SLC12A8: variants seen among roughly 807,000 people sequenced by gnomAD.
The protein encoded by SLC12A8 is solute carrier family 12 member 8.
A neutral mutation model predicts 75.6 loss-of-function variants in SLC12A8; 69 were observed. The observed-to-expected ratio is 0.91, with a 90% CI of 0.75 to 1.11. The LOEUF (loss-of-function observed/expected upper bound fraction) is 1.11, where lower values mean the gene tolerates loss of function less well. SLC12A8 is among the 50% of genes most tolerant of loss of function. The pLI, the probability that SLC12A8 is intolerant of heterozygous loss-of-function variation, is 0.00. For synonymous variants in SLC12A8, 365 were observed against 372.8 expected, an observed-to-expected ratio of 0.98 and a Z score of 0.24; for missense variants, 877 against 896.7, an observed-to-expected ratio of 0.98 and a Z score of 0.28.
chr3:125,191,275 TA>T (rs1341015829), intron 2 of SLC12A8, among the ~76,000 whole-genome samples: 2 of 152,064 alleles, frequency 1.3e-5, no homozygotes, highest in Non-Finnish European at 2.9e-5. Context: ...AATTCACAAA[TA>T]ACAAAGGCAC....
intron 5 of SLC12A8, among the ~76,000 whole-genome samples, chr3:125,153,535 T>C (rs630439): frequency 0.15 from 22,488 of 152,282 alleles, 2,343 homozygotes; most frequent in South Asian, 0.4. Context: ...TGCTGGGAAG[T>C]ACAAGACAAA....
chr3:125,119,068 T>A (rs1932982256), intron 7 of SLC12A8: 1 of 452,570 alleles, frequency 2.2e-6, no homozygotes, highest in Non-Finnish European at 4.0e-6. Context: ...ACCATTGTTT[T>A]GTTTCTTTTT....
chr3:125,093,393 C>G (rs1024319471), intron 10 of SLC12A8, among the ~76,000 whole-genome samples: 3 of 152,152 alleles, frequency 2.0e-5, no homozygotes, highest in Non-Finnish European at 4.4e-5. Context: ...CCCAGCCCTT[C>G]CTTCTTCACT....
At chr3:125,131,684 G>A (rs756996316) in intron 6 of SLC12A8, among the ~76,000 whole-genome samples, 11 of 152,134 alleles carry the variant, frequency 7.2e-5, no homozygotes, top group East Asian at 1.9e-4. Flanking sequence ...CACCAGGCCG[G>A]GCCCAAGAAT....
At chr3:125,190,617 GCTTAAAAACAGTC>G in intron 2 of SLC12A8, 96 bp from the exon 3 acceptor site, 1 of 1,427,634 alleles carries the variant, frequency 7.0e-7, no homozygotes, top group South Asian at 1.3e-5. Flanking sequence ...GGAGAACTCA[GCTTAAAAACAGTC>G]CTGTCTTATT....
intron 6 of SLC12A8, 135 bp from the exon 7 acceptor site, chr3:125,120,821 C>A (rs1007963884): frequency 1.5e-5 from 11 of 728,630 alleles, no homozygotes; most frequent in Admixed American, 2.0e-5. Context: ...TGCAGCTCTG[C>A]GCATAGGCTG....
intron 6 of SLC12A8, among the ~76,000 whole-genome samples, chr3:125,126,909 A>G (rs1459330828): frequency 2.0e-5 from 3 of 152,180 alleles, no homozygotes; most frequent in Non-Finnish European, 4.4e-5. Context: ...TTTAACTGAA[A>G]AAAGGGATCT....
chr3:125,101,397 ATGAG>A (rs1433133426), intron 10 of SLC12A8, among the ~76,000 whole-genome samples: 1 of 152,256 alleles, frequency 6.6e-6, no homozygotes, highest in Non-Finnish European at 1.5e-5. Context: ...ATGGACATGA[ATGAG>A]TGAGCATTAA....
chr3:125,133,588 G>A (rs1468499534), intron 6 of SLC12A8, among the ~76,000 whole-genome samples: 1 of 152,078 alleles, frequency 6.6e-6, no homozygotes, highest in African/African-American at 2.4e-5. Context: ...ACCACGCCCA[G>A]CTAATTTTTG....
intron 6 of SLC12A8, among the ~76,000 whole-genome samples, chr3:125,124,314 G>T (rs78070159): frequency 0.018 from 2,681 of 152,178 alleles, 68 homozygotes; most frequent in African/African-American, 0.061. Context: ...ACATTTGTTT[G>T]TGTTTGTTTG....
intron 6 of SLC12A8, chr3:125,125,790 C>T: frequency 3.8e-6 from 1 of 264,040 alleles, no homozygotes; most frequent in East Asian, 1.8e-4. Flanking sequence ...CATCACATAG[C>T]CTCTCCATTT....
intron 3 of SLC12A8, among the ~76,000 whole-genome samples, chr3:125,188,318 C>T (rs910997272): frequency 6.6e-6 from 1 of 152,230 alleles, no homozygotes; most frequent in African/African-American, 2.4e-5. Context: ...TGCCATGCTT[C>T]TTGTACAGCC....
At chr3:125,194,352 C>G (rs1214092734) in intron 2 of SLC12A8, among the ~76,000 whole-genome samples, 2 of 152,176 alleles carry the variant, frequency 1.3e-5, no homozygotes, top group East Asian at 3.9e-4. Context: ...GCTGGAAAAA[C>G]CATGACTGCC....
At chr3:125,134,405 T>C (rs1185748555) in intron 6 of SLC12A8, among the ~76,000 whole-genome samples, 1 of 152,218 alleles carries the variant, frequency 6.6e-6, no homozygotes, top group Non-Finnish European at 1.5e-5. Context: ...CCACCACGCC[T>C]GACCAGTTAT....
At chr3:125,208,811 G>GAC (rs796139654) in intron 2 of SLC12A8, among the ~76,000 whole-genome samples, 1 of 141,460 alleles carries the variant, frequency 7.1e-6, no homozygotes, top group Non-Finnish European at 1.5e-5. Context: ...GAGAGAGAGA[G>GAC]AGAGAGAGAG....
chr3:125,183,424 T>C (rs1435593812), intron 4 of SLC12A8, among the ~76,000 whole-genome samples: 1 of 152,108 alleles, frequency 6.6e-6, no homozygotes, highest in Non-Finnish European at 1.5e-5. Context: ...CAGGGTGTAA[T>C]GCTTCCATTC....
At chr3:125,131,574 G>A (rs767856657) in intron 6 of SLC12A8, among the ~76,000 whole-genome samples, 1 of 152,130 alleles carries the variant, frequency 6.6e-6, no homozygotes, top group Non-Finnish European at 1.5e-5. Context: ...TTTTAGTAGA[G>A]ATGGGGTTTC....
At chr3:125,105,854 A>T (rs1392178450) in intron 10 of SLC12A8, among the ~76,000 whole-genome samples, 1 of 151,868 alleles carries the variant, frequency 6.6e-6, no homozygotes, top group Non-Finnish European at 1.5e-5. Flanking sequence ...ACATGGTGAA[A>T]CCCCATCTCT....
At chr3:125,111,286 G>A (rs1196824116) in intron 8 of SLC12A8, among the ~76,000 whole-genome samples, 1 of 152,150 alleles carries the variant, frequency 6.6e-6, no homozygotes, top group East Asian at 1.9e-4. Flanking sequence ...TAGAATAAGA[G>A]GGCACAGCTG....
Sources: allele counts gnomAD v4.1 joint callset (sites outside exome capture counted in the v4.1 genomes callset), GRCh38; gene constraint gnomAD v4.1.1; transcripts MANE v1.5; gene names NCBI Gene and HGNC (gene_info 2026-07-23, HGNC 2026-07-21).